ERICH3: variants seen among roughly 807,000 people sequenced by gnomAD.
The protein encoded by ERICH3 is glutamate-rich protein 3.
In ERICH3, 126 loss-of-function variants were observed where a neutral mutation model predicts 131.1. The ratio of observed to expected loss-of-function variants is 0.96; its 90% CI spans 0.83 to 1.11. The LOEUF is 1.11. Among genes scored for constraint, ERICH3 ranks in the 50% most tolerant of loss-of-function variants. ERICH3 has a pLI of 0.00. For synonymous variants in ERICH3, 695 were observed against 644.6 expected, an observed-to-expected ratio of 1.08 and a Z score of -1.18; for missense variants, 2,050 against 1,810.7, an observed-to-expected ratio of 1.13 and a Z score of -2.40.
At chr1:74,577,963 GA>G (rs1411634843) in intron 12 of ERICH3, 1 of 152,146 alleles carries the variant, frequency 6.6e-6, no homozygotes. Context: ...CATGGGGACA[GA>G]AGCAAAAAAG....
At chr1:74,660,805 T>C (rs561114467) in intron 1 of ERICH3, among the ~76,000 whole-genome samples, 8 of 151,914 alleles carry the variant, frequency 5.3e-5, no homozygotes, top group Non-Finnish European at 1.0e-4. Context: ...GAATGGTACC[T>C]AATGGCTGTC....
chr1:74,608,446 T>C (rs1001225991), intron 9 of ERICH3, among the ~76,000 whole-genome samples: 1 of 151,956 alleles, frequency 6.6e-6, no homozygotes, highest in Non-Finnish European at 1.5e-5. Context: ...CCCAGAAGAA[T>C]AGAAATAATA....
Position 74,571,138 on chromosome 1 carries a change from G to A in ERICH3, c.4572C>T (p.Ser1524=). 1 of 1,613,550 alleles carries A rather than the reference G, an allele frequency of 6.2e-7. No homozygotes were observed. Among genetic ancestry groups the A allele is most frequent in the Non-Finnish European group, 8.5e-7 (1 of 1,179,756 alleles). The change falls in exon 14 of 15, where the codon TCC becomes TCT. Residue 1524 remains serine, a synonymous_variant. Transcript: ENST00000326665. ...VQGESETADV[S]PNNVQV ...TCTCCTAGACCTGCACGTTGTTGGG[G>A]GAAACATCTGCAGTCTCGCTTTCTC...
intron 1 of ERICH3, among the ~76,000 whole-genome samples, chr1:74,654,558 C>T (rs1013571775): frequency 7.2e-5 from 11 of 152,084 alleles, no homozygotes; most frequent in Non-Finnish European, 1.3e-4. Context: ...CCCTTGTTTA[C>T]AGATGACAGT....
intron 6 of ERICH3, chr1:74,634,632 A>G: frequency 2.8e-6 from 2 of 714,318 alleles, no homozygotes; most frequent in Admixed American, 4.0e-5. Flanking sequence ...AGTAGCATTA[A>G]TAATTATGGA....
chr1:74,666,730 T>A (rs1284022367), intron 1 of ERICH3, among the ~76,000 whole-genome samples: 1 of 152,154 alleles, frequency 6.6e-6, no homozygotes, highest in African/African-American at 2.4e-5. Flanking sequence ...CTATCTTATG[T>A]TTGGGTCGAC....
At chr1:74,652,552 T>C (rs997104251) in intron 1 of ERICH3, among the ~76,000 whole-genome samples, 1 of 152,206 alleles carries the variant, frequency 6.6e-6, no homozygotes, top group East Asian at 1.9e-4. Flanking sequence ...TTTTCTTTTT[T>C]TTTTTTCTTT....
At position 74,572,718 on chromosome 1, in the gene ERICH3, T is replaced by C; in HGVS notation, c.2992A>G (p.Thr998Ala). The C allele has an allele frequency of 6.2e-7, 1 of 1,613,870 alleles. No individual in the cohort carries two copies. The highest frequency in any genetic ancestry group is 8.5e-7 in the Non-Finnish European group (1 of 1,179,962). ...ATCCGGCTTGCCTCTGCCTCTCCTG[T>C]GAAGGGGCTCAAGCGTGTTTCTGTT... is the stretch of plus-strand genomic sequence containing the variant. Reference protein sequence around the residue: ...MRTETRLSPFTGEAEASRMQV... With the variant: ...MRTETRLSPFAGEAEASRMQV... The change falls in exon 14 of 15, where the codon ACA becomes GCA. Residue 998 changes from threonine (T) to alanine (A), a missense_variant. Coordinates refer to ENST00000326665, the MANE Select transcript of ERICH3 (RefSeq NM_001002912.5).
At chr1:74,590,177 A>T (rs192650396) in intron 11 of ERICH3, 97 bp from the exon 12 acceptor site, 1 of 1,090,354 alleles carries the variant, frequency 9.2e-7, no homozygotes, top group East Asian at 2.6e-5. Context: ...TAAAAATTTT[A>T]AAACATAGTT....
At chr1:74,588,340 G>T (rs1180342693) in intron 12 of ERICH3, among the ~76,000 whole-genome samples, 1 of 152,088 alleles carries the variant, frequency 6.6e-6, no homozygotes, top group Non-Finnish European at 1.5e-5. Flanking sequence ...GTCTGGTGGT[G>T]TGCCAAGGCT....
At chr1:74,590,716 G>T (rs931790373) in intron 11 of ERICH3, among the ~76,000 whole-genome samples, 2 of 152,132 alleles carry the variant, frequency 1.3e-5, no homozygotes, top group Admixed American at 6.5e-5. Context: ...GTTCCTAATA[G>T]GCCATGGACC....
At chr1:74,602,096 A>G (rs1017058903) in intron 10 of ERICH3, among the ~76,000 whole-genome samples, 3 of 151,938 alleles carry the variant, frequency 2.0e-5, no homozygotes, top group Admixed American at 1.3e-4. Flanking sequence ...GATTAAAATC[A>G]GAGCAGTACA....
chr1:74,638,765 C>T (rs573305662), intron 5 of ERICH3, among the ~76,000 whole-genome samples: 2 of 152,252 alleles, frequency 1.3e-5, no homozygotes, highest in African/African-American at 4.8e-5. Context: ...AAGATATGTG[C>T]TCTCACTTTA....
intron 10 of ERICH3, among the ~76,000 whole-genome samples, chr1:74,600,459 T>A (rs1329345198): frequency 6.6e-6 from 1 of 151,752 alleles, no homozygotes; most frequent in Non-Finnish European, 1.5e-5. Flanking sequence ...CAAATGGACA[T>A]CAAGAAAAGG....
In ERICH3 at chr1:74,572,725, G is replaced by A. The variant is rs1408259682; in HGVS notation, c.2985C>T (p.Ser995=). The change falls in exon 14 of 15, where the codon AGC becomes AGT. Residue 995 remains serine, a synonymous_variant. Coordinates refer to ENST00000326665, the MANE Select transcript of ERICH3 (RefSeq NM_001002912.5). ...TTGCCTCTGCCTCTCCTGTGAAGGG[G>A]CTCAAGCGTGTTTCTGTTCTCATAA... is the stretch of plus-strand genomic sequence containing the variant. ...KEVMRTETRL[S]PFTGEAEASR... is the part of the protein sequence containing the mutation. 2 of 1,613,780 alleles carry A rather than the reference G, an allele frequency of 1.2e-6. No homozygotes were observed. The highest frequency in any genetic ancestry group is 1.7e-6 in the Non-Finnish European group (2 of 1,179,972).
intron 12 of ERICH3, among the ~76,000 whole-genome samples, chr1:74,581,455 G>T (rs1233458660): frequency 6.6e-6 from 1 of 152,042 alleles, no homozygotes; most frequent in Non-Finnish European, 1.5e-5. Flanking sequence ...CCACCTGTTG[G>T]CACTAATAAT....
At chr1:74,665,043 T>C (rs940884514) in intron 1 of ERICH3, among the ~76,000 whole-genome samples, 1 of 152,124 alleles carries the variant, frequency 6.6e-6, no homozygotes, top group African/African-American at 2.4e-5. Flanking sequence ...GTTATTGTAT[T>C]AGGAGATGGG....
intron 9 of ERICH3, among the ~76,000 whole-genome samples, chr1:74,611,189 G>A (rs1648676261): frequency 6.6e-6 from 1 of 152,002 alleles, no homozygotes; most frequent in Non-Finnish European, 1.5e-5. Context: ...TCTCATACAT[G>A]TCTCAGACTC....
chr1:74,668,577 C>A (rs1646712708), intron 1 of ERICH3, among the ~76,000 whole-genome samples: 1 of 152,180 alleles, frequency 6.6e-6, no homozygotes, highest in Admixed American at 6.5e-5. Flanking sequence ...TGGCTTATAA[C>A]TCTGAAGGAA....
Sources: allele counts gnomAD v4.1 joint callset (sites outside exome capture counted in the v4.1 genomes callset), GRCh38; gene constraint gnomAD v4.1.1; transcripts MANE v1.5; gene names NCBI Gene and HGNC (gene_info 2026-07-23, HGNC 2026-07-21).